Variants in ADK observed in about 807,000 individuals in gnomAD.
ADK encodes N6,N6-dimethyladenosine kinase.
In ADK, 24 loss-of-function variants were observed where a neutral mutation model predicts 44.7. The ratio of observed to expected loss-of-function variants is 0.54; its 90% CI spans 0.39 to 0.76. The LOEUF (loss-of-function observed/expected upper bound fraction) is 0.76. Among genes scored for constraint, ADK ranks in the 30% least tolerant of loss-of-function variants. ADK has a pLI of 0.00. For missense variants in ADK, 321 were observed against 425.1 expected, an observed-to-expected ratio of 0.76 and a Z score of 2.15; for synonymous variants, 128 against 142.6, an observed-to-expected ratio of 0.90 and a Z score of 0.73.
intron 7 of ADK, among the ~76,000 whole-genome samples, chr10:74,585,727 A>T (rs145560085): frequency 1.1e-3 from 174 of 152,248 alleles, no homozygotes; most frequent in African/African-American, 4.0e-3. Flanking sequence ...CTGCTTTTCT[A>T]TTCTAACCCG....
At chr10:74,437,390 T>G (rs1446300027) in intron 6 of ADK, among the ~76,000 whole-genome samples, 1 of 152,238 alleles carries the variant, frequency 6.6e-6, no homozygotes, top group Non-Finnish European at 1.5e-5. Context: ...TTATTTAGAT[T>G]ATTATATGCA....
chr10:74,654,734 C>A (rs1248742488), intron 9 of ADK, among the ~76,000 whole-genome samples: 1 of 151,948 alleles, frequency 6.6e-6, no homozygotes, highest in Admixed American at 6.6e-5. Context: ...ATTGCTTGAA[C>A]CCGGGAGGCA....
intron 10 of ADK, among the ~76,000 whole-genome samples, chr10:74,696,680 T>G (rs1306171389): frequency 6.6e-6 from 1 of 152,198 alleles, no homozygotes; most frequent in Non-Finnish European, 1.5e-5. Flanking sequence ...CTCATTATTA[T>G]TTTTAATGGG....
chr10:74,413,358 C>G (rs1844253635), intron 6 of ADK, among the ~76,000 whole-genome samples: 2 of 152,162 alleles, frequency 1.3e-5, no homozygotes, highest in South Asian at 2.1e-4. Flanking sequence ...TGTTGAAAAC[C>G]TGTTGTTCAG....
chr10:74,157,358 G>GT (rs753577849), intron 1 of ADK, among the ~76,000 whole-genome samples: 18 of 151,734 alleles, frequency 1.2e-4, no homozygotes, highest in Non-Finnish European at 2.2e-4. Context: ...CAAAACAATT[G>GT]TAAGTATTTT....
chr10:74,392,807 T>G (rs1210412185), intron 4 of ADK, among the ~76,000 whole-genome samples: 2 of 152,170 alleles, frequency 1.3e-5, no homozygotes, highest in Non-Finnish European at 2.9e-5. Flanking sequence ...AGACTTGATT[T>G]TTTTTTGAAG....
At chr10:74,378,065 T>TA (rs201666495) in intron 4 of ADK, among the ~76,000 whole-genome samples, 2,002 of 150,692 alleles carry the variant, frequency 0.013, 68 homozygotes, top group Admixed American at 0.062. Context: ...TTTTTTTTTT[T>TA]AATCTATGAA....
intron 7 of ADK, among the ~76,000 whole-genome samples, chr10:74,577,621 C>A (rs1167412982): frequency 6.6e-6 from 1 of 151,408 alleles, no homozygotes; most frequent in Admixed American, 6.6e-5. Context: ...TCTGTTTTTA[C>A]TCCATTTTGT....
chr10:74,271,775 A>C (rs1182288719), intron 3 of ADK, among the ~76,000 whole-genome samples: 6 of 151,846 alleles, frequency 4.0e-5, no homozygotes, highest in Non-Finnish European at 5.9e-5. Flanking sequence ...GTATATATTC[A>C]GGTATATTTT....
chr10:74,284,859 T>C lies in ADK; in HGVS notation c.195-29808T>C, dbSNP rs369836914. On this transcript the variant is annotated intron_variant, in intron 3 of 10. Transcript: ENST00000539909. ...GTCTTTTACAATGCTATAGGAGTCATCTTTGTCAAACATAGATTTACTCAT... is the reference window on the plus strand; with the variant it reads ...GTCTTTTACAATGCTATAGGAGTCACCTTTGTCAAACATAGATTTACTCAT... Among the ~76,000 whole-genome samples, 5 of 152,386 alleles carry C rather than the reference T, an allele frequency of 3.3e-5. 1 individual carries two copies. The highest frequency in any genetic ancestry group is 1.2e-4 in the African/African-American group (5 of 41,592).
intron 7 of ADK, among the ~76,000 whole-genome samples, chr10:74,581,973 C>T (rs1321999787): frequency 6.6e-6 from 1 of 152,166 alleles, no homozygotes; most frequent in Non-Finnish European, 1.5e-5. Flanking sequence ...ACTTGAATCT[C>T]TCTGAACCTT....
chr10:74,612,279 G>A (rs4746209), intron 9 of ADK, among the ~76,000 whole-genome samples: 1 of 151,778 alleles, frequency 6.6e-6, no homozygotes, highest in South Asian at 2.1e-4. Context: ...TTTAAAAATT[G>A]TATTGATTTA....
intron 4 of ADK, among the ~76,000 whole-genome samples, chr10:74,357,156 G>A (rs1007017408): frequency 6.6e-6 from 1 of 152,164 alleles, no homozygotes; most frequent in African/African-American, 2.4e-5. Context: ...TGTTCTAGGT[G>A]CTGCTTTTGC....
intron 3 of ADK, among the ~76,000 whole-genome samples, chr10:74,241,901 A>G (rs987026875): frequency 5.3e-5 from 8 of 152,196 alleles, no homozygotes; most frequent in African/African-American, 1.9e-4. Context: ...TAAAGTATAG[A>G]TGTATAGTTC....
Position 74,555,349 on chromosome 10 carries a change from GT to G in ADK, c.726+29932del, listed in dbSNP as rs200388914. On this transcript the variant is annotated intron_variant, in intron 7 of 10. Transcript: ENST00000539909. ...TGATTAAACTGATTAACTGTTTGTTGTTTTTTTTTATGTCATAGGTGTCAGA... is the reference window on the plus strand; with the variant it reads ...TGATTAAACTGATTAACTGTTTGTTGTTTTTTTTATGTCATAGGTGTCAGA... 1.2e-4 allele frequency among the ~76,000 whole-genome samples: 18 copies of G among 151,364 alleles called. No individual in the cohort carries two copies. The South Asian group carries it at 2.5e-3, about 21-fold the overall frequency.
chr10:74,425,199 G>A (rs1368806240), intron 6 of ADK, among the ~76,000 whole-genome samples: 1 of 152,182 alleles, frequency 6.6e-6, no homozygotes, highest in Non-Finnish European at 1.5e-5. Flanking sequence ...AAAGTTTTGT[G>A]GGCTGCATAG....
chr10:74,177,506 C>A (rs1225610725), intron 1 of ADK, among the ~76,000 whole-genome samples: 1 of 152,120 alleles, frequency 6.6e-6, no homozygotes, highest in East Asian at 1.9e-4. Flanking sequence ...TGGAGACTTT[C>A]CCCCAATTGC....
Position 74,309,338 on chromosome 10 carries a change from T to G in ADK, c.195-5329T>G, listed in dbSNP as rs181919697. Among the ~76,000 whole-genome samples, 167 of 152,312 alleles carry G rather than the reference T, an allele frequency of 1.1e-3. 3 individuals are homozygous for G. The East Asian group carries it at 0.026, about 24-fold the overall frequency. ...GTTTAATTCTACATATTTCTATTTT[T>G]ATTTTACATGATCTTAATATATCCT... On this transcript the variant is annotated intron_variant, in intron 3 of 10. Transcript: ENST00000539909.
Position 74,413,014 on chromosome 10 carries a change from C to T in ADK, c.555+14435C>T, listed in dbSNP as rs190163518. 4.5e-3 allele frequency among the ~76,000 whole-genome samples: 683 copies of T among 151,884 alleles called. 3 individuals carry two copies. The highest frequency in any genetic ancestry group is 0.034 in the Middle Eastern group (10 of 292). ...CGGAGGTTGCGGTGAGCCAAGATTG[C>T]GCCATTGCACTCCAGCCTGGGTGAC... On this transcript the variant is annotated intron_variant, in intron 6 of 10. Coordinates refer to ENST00000539909, the MANE Select transcript of ADK (RefSeq NM_006721.4).
Sources: gnomAD v4.1 joint callset for allele counts (sites outside exome capture counted in the v4.1 genomes callset) on GRCh38, gnomAD v4.1.1 for gene constraint, MANE v1.5 for transcripts, NCBI Gene and HGNC (gene_info 2026-07-23, HGNC 2026-07-21) for gene names.